The following FBXW7 variants were observed in gnomAD, a reference collection of about 807,000 sequenced individuals.
The protein encoded by FBXW7 is F-box/WD repeat-containing protein 7.
Under a neutral mutation model 86.3 loss-of-function variants are expected in FBXW7, and 11 were observed. The observed-to-expected ratio is 0.13, with a 90% CI of 0.08 to 0.21. The LOEUF (loss-of-function observed/expected upper bound fraction) is 0.21. FBXW7 is among the 10% of genes least tolerant of loss of function. The pLI is 1.00. For synonymous variants in FBXW7, 313 were observed against 297.9 expected (o/e 1.05, Z -0.52); for missense variants, 488 against 847.4 (o/e 0.58, Z 5.27).
rs763590985 is a variant in FBXW7, at chr4:152,326,024, A to G, written c.1626T>C (p.Asn542=). 56 of 1,612,938 alleles carry G rather than the reference A, an allele frequency of 3.5e-5. No individual in the cohort carries two copies. The highest frequency in any genetic ancestry group is 4.7e-5 in the Non-Finnish European group (55 of 1,179,270). ...TCLHTLQGHT[N]RVYSLQFDGI... ...ATCTTACCTGTAATGAATAGACTCTATTAGTATGCCCCTGCAACGTGTGTA... is the reference window on the plus strand; with the variant it reads ...ATCTTACCTGTAATGAATAGACTCTGTTAGTATGCCCCTGCAACGTGTGTA... Residue 542 remains asparagine (N), a synonymous_variant, in exon 12 of 14, where the codon AAT becomes AAC. Transcript: ENST00000281708.
intron 2 of FBXW7, among the ~76,000 whole-genome samples, chr4:152,525,501 G>A (rs1347339358): frequency 6.6e-6 from 1 of 152,028 alleles, no homozygotes; most frequent in Non-Finnish European, 1.5e-5. Flanking sequence ...TATTCATTTT[G>A]TTCATAAGTT....
intron 2 of FBXW7, among the ~76,000 whole-genome samples, chr4:152,519,688 C>A (rs1217126192): frequency 6.6e-6 from 1 of 152,208 alleles, no homozygotes; most frequent in East Asian, 1.9e-4. Flanking sequence ...TGTATAATGA[C>A]ATAAAACTGG....
At chr4:152,354,971 G>A (rs1732230280) in intron 4 of FBXW7, among the ~76,000 whole-genome samples, 1 of 152,042 alleles carries the variant, frequency 6.6e-6, no homozygotes, top group African/African-American at 2.4e-5. Context: ...AAGTACTAAT[G>A]AAGACCTTGT....
intron 2 of FBXW7, among the ~76,000 whole-genome samples, chr4:152,465,796 A>T (rs1254945840): frequency 6.6e-6 from 1 of 150,848 alleles, no homozygotes; most frequent in East Asian, 2.0e-4. Flanking sequence ...GTGAGCCAAG[A>T]TCATGCCACT....
At chr4:152,497,979 A>C (rs1746522122) in intron 2 of FBXW7, among the ~76,000 whole-genome samples, 2 of 152,232 alleles carry the variant, frequency 1.3e-5, no homozygotes, top group South Asian at 4.1e-4. Flanking sequence ...TAAATGTTTT[A>C]TGTGTACAAA....
chr4:152,436,889 T>C (rs1338615598), intron 2 of FBXW7, among the ~76,000 whole-genome samples: 1 of 151,914 alleles, frequency 6.6e-6, no homozygotes, highest in African/African-American at 2.4e-5. Context: ...TTTCAAATAT[T>C]ACTCATTGCT....
At chr4:152,345,597 T>C (rs1731187980) in intron 6 of FBXW7, among the ~76,000 whole-genome samples, 1 of 152,088 alleles carries the variant, frequency 6.6e-6, no homozygotes, top group South Asian at 2.1e-4. Flanking sequence ...TGAGACACTT[T>C]TGTCTCAACG....
At position 152,505,932 on chromosome 4, in the gene FBXW7, G is replaced by A. The variant is rs941461744; in HGVS notation, c.-120+29009C>T. Among the ~76,000 whole-genome samples the A allele has an allele frequency of 3.3e-5, 5 of 151,734 alleles. No individual in the cohort carries two copies. The South Asian group carries it at 8.3e-4, about 25-fold the overall frequency. ...ATTTTTGTATTTTTAGTAGAGACAG[G>A]GTTTTGCGATGTTGGCCAGGCTAGT... is the stretch of plus-strand genomic sequence containing the variant. On this transcript the variant is annotated intron_variant, in intron 2 of 13. Transcript: ENST00000281708.
At chr4:152,517,059 G>A (rs1748561044) in intron 2 of FBXW7, among the ~76,000 whole-genome samples, 1 of 152,174 alleles carries the variant, frequency 6.6e-6, no homozygotes, top group African/African-American at 2.4e-5. Context: ...CTGAGCTCAA[G>A]CGATCCACTC....
intron 4 of FBXW7, among the ~76,000 whole-genome samples, chr4:152,372,498 ATAAT>A (rs1734094531): frequency 1.3e-5 from 2 of 152,026 alleles, no homozygotes; most frequent in African/African-American, 4.8e-5. Flanking sequence ...ATTCAGATAA[ATAAT>A]AAAGATGACT....
At chr4:152,371,486 T>C (rs1167626435) in intron 4 of FBXW7, among the ~76,000 whole-genome samples, 5 of 152,050 alleles carry the variant, frequency 3.3e-5, no homozygotes, top group Non-Finnish European at 5.9e-5. Flanking sequence ...TAACAGTATT[T>C]GAAAACCGGC....
At chr4:152,324,028 G>T in intron 13 of FBXW7, 156 bp downstream of exon 13, 1 of 611,212 alleles carries the variant, frequency 1.6e-6, no homozygotes, top group Non-Finnish European at 2.9e-6. Flanking sequence ...CTCAAGAGTA[G>T]ACTAGTTCTG....
At chr4:152,355,789 G>A (rs748709122) in intron 4 of FBXW7, among the ~76,000 whole-genome samples, 5 of 152,006 alleles carry the variant, frequency 3.3e-5, no homozygotes, top group Non-Finnish European at 5.9e-5. Context: ...TAGCATAGAA[G>A]TTAGAAGTAA....
At chr4:152,345,164 G>A (rs539025458) in intron 6 of FBXW7, among the ~76,000 whole-genome samples, 3 of 151,798 alleles carry the variant, frequency 2.0e-5, no homozygotes, top group Admixed American at 6.6e-5. Flanking sequence ...TTTTATTTTC[G>A]CCTCTTATTG....
intron 2 of FBXW7, among the ~76,000 whole-genome samples, chr4:152,449,842 C>G (rs1221718122): frequency 6.6e-6 from 1 of 152,130 alleles, no homozygotes; most frequent in Non-Finnish European, 1.5e-5. Flanking sequence ...AAGGGAGGGT[C>G]GCATTAATAC....
chr4:152,395,729 C>T (rs1308155780), intron 4 of FBXW7, among the ~76,000 whole-genome samples: 1 of 151,972 alleles, frequency 6.6e-6, no homozygotes, highest in African/African-American at 2.4e-5. Context: ...CGTAATTTTG[C>T]AATGGGTGAT....
rs1310841581 is a variant in FBXW7, at chr4:152,321,186, TTTAAA to T, written c.*1690_*1694del. The T allele has an allele frequency of 9.3e-6, 2 of 214,554 alleles. No homozygotes were observed. Among genetic ancestry groups the T allele is most frequent in the Non-Finnish European group, 1.9e-5 (2 of 106,410 alleles). 13.3% of individuals were successfully genotyped at this position (214,554 alleles called of 1,614,324 possible). On this transcript the variant is annotated 3_prime_UTR_variant, in exon 14 of 14. Transcript: ENST00000281708. ...TGCAAAGAAACCAAGATTTTGCTTA[TTTAAA>T]TATTATAGACAAATCCTAAATACTT...
intron 4 of FBXW7, among the ~76,000 whole-genome samples, chr4:152,370,942 TA>T (rs890076944): frequency 3.3e-5 from 5 of 151,796 alleles, no homozygotes; most frequent in African/African-American, 4.8e-5. Flanking sequence ...GATATTGACT[TA>T]AAAAAACCCT....
chr4:152,502,735 C>T (rs1425691015), intron 2 of FBXW7, among the ~76,000 whole-genome samples: 1 of 151,988 alleles, frequency 6.6e-6, no homozygotes, highest in Non-Finnish European at 1.5e-5. Flanking sequence ...AGAAGGTATG[C>T]TAGAAATTTT....
Sources: gnomAD v4.1 joint callset for allele counts (sites outside exome capture counted in the v4.1 genomes callset) on GRCh38, gnomAD v4.1.1 for gene constraint, MANE v1.5 for transcripts, NCBI Gene and HGNC (gene_info 2026-07-23, HGNC 2026-07-21) for gene names.